The following MEOX2 variants were observed in gnomAD, a reference collection of about 807,000 sequenced individuals.
The protein encoded by MEOX2 is mesenchyme homeobox 2, also known as homeobox protein MOX-2.
A neutral mutation model predicts 27.0 loss-of-function variants in MEOX2; 11 were observed. The ratio of observed to expected loss-of-function variants is 0.41; its 90% CI spans 0.26 to 0.68. The LOEUF (loss-of-function observed/expected upper bound fraction) is 0.68. MEOX2 is among the 30% of genes least tolerant of loss of function. The probability of loss-of-function intolerance (pLI) is 0.33; values close to 1 mark genes in which losing one functional copy is unlikely to be tolerated. For missense variants in MEOX2, 436 were observed against 385.4 expected (o/e 1.13, Z -1.10); for synonymous variants, 189 against 155.4 (o/e 1.22, Z -1.61).
rs192989472 is a variant in MEOX2 at position 15,643,493 on chromosome 7, G to A, written c.518-16575C>T. On this transcript the variant is annotated intron_variant, in intron 1 of 2. Coordinates refer to ENST00000262041, the MANE Select transcript of MEOX2 (RefSeq NM_005924.5). The stretch of plus-strand genomic sequence containing the variant: ...AGAGCTCCCATAGGGGAACAGGGGT[G>A]GGGGAGGGGGCTGCGGTTTGCAGCC... Among the ~76,000 whole-genome samples the A allele has an allele frequency of 3.3e-3, 507 of 152,268 alleles. 8 individuals are homozygous for A. The highest frequency in any genetic ancestry group is 7.1e-4 in the Non-Finnish European group (48 of 68,030).
intron 1 of MEOX2, among the ~76,000 whole-genome samples, chr7:15,684,535 A>AC: frequency 6.6e-6 from 1 of 152,300 alleles, no homozygotes; most frequent in Non-Finnish European, 1.5e-5. Flanking sequence ...ACCGTGAGAG[A>AC]AGAATCCATC....
At chr7:15,643,353 G>A (rs1781592934) in intron 1 of MEOX2, among the ~76,000 whole-genome samples, 1 of 152,190 alleles carries the variant, frequency 6.6e-6, no homozygotes, top group South Asian at 2.1e-4. Flanking sequence ...CGCTGGGTCA[G>A]GCAACTCAGC....
intron 1 of MEOX2, among the ~76,000 whole-genome samples, chr7:15,663,845 G>A (rs1299825371): frequency 6.6e-6 from 1 of 152,084 alleles, no homozygotes; most frequent in Non-Finnish European, 1.5e-5. Flanking sequence ...TCACTAAGCT[G>A]CTGGAAGAGA....
chr7:15,680,831 C>A (rs574511759), intron 1 of MEOX2: 2 of 151,806 alleles, frequency 1.3e-5, no homozygotes, highest in Non-Finnish European at 3.0e-5. Flanking sequence ...AATCTGTGGA[C>A]TTTGGCCTTA....
intron 1 of MEOX2, among the ~76,000 whole-genome samples, chr7:15,631,438 G>A (rs1234327750): frequency 1.3e-5 from 2 of 151,754 alleles, no homozygotes; most frequent in Non-Finnish European, 2.9e-5. Context: ...CCAATTATAT[G>A]TCTTGAACAA....
At chr7:15,624,375 C>A (rs150460401) in intron 2 of MEOX2, among the ~76,000 whole-genome samples, 186 of 152,236 alleles carry the variant, frequency 1.2e-3, no homozygotes, top group African/African-American at 4.4e-3. Flanking sequence ...TTAATTTCCC[C>A]CCTGTGATGC....
intron 1 of MEOX2, among the ~76,000 whole-genome samples, chr7:15,642,680 C>G (rs966569260): frequency 6.6e-6 from 1 of 152,166 alleles, no homozygotes; most frequent in Non-Finnish European, 1.5e-5. Context: ...TCAGAGCATT[C>G]TGTTTCTTCA....
At chr7:15,638,332 A>G (rs765662157) in intron 1 of MEOX2, among the ~76,000 whole-genome samples, 30 of 152,248 alleles carry the variant, frequency 2.0e-4, no homozygotes, top group Non-Finnish European at 1.3e-4. Flanking sequence ...TCTGAGTGCA[A>G]TTAAATGGCA....
chr7:15,620,031 CA>C (rs1192354427), intron 2 of MEOX2, among the ~76,000 whole-genome samples: 1 of 151,708 alleles, frequency 6.6e-6, no homozygotes, highest in African/African-American at 2.4e-5. Flanking sequence ...TGATGCTTAC[CA>C]ATACTGTCAA....
At chr7:15,656,762 AC>A (rs1781827652) in intron 1 of MEOX2, among the ~76,000 whole-genome samples, 1 of 152,026 alleles carries the variant, frequency 6.6e-6, no homozygotes, top group Non-Finnish European at 1.5e-5. Flanking sequence ...TATTGTATTT[AC>A]CTATAATTTT....
intron 2 of MEOX2, 55 bp from the exon 3 acceptor site, chr7:15,612,666 A>G: frequency 6.7e-7 from 1 of 1,500,794 alleles, no homozygotes. Flanking sequence ...TTAAAGTGAC[A>G]TTTTTTTCTC....
intron 1 of MEOX2, among the ~76,000 whole-genome samples, chr7:15,633,728 A>C (rs1781438517): frequency 6.6e-6 from 1 of 151,860 alleles, no homozygotes; most frequent in Non-Finnish European, 1.5e-5. Context: ...GTGATGTAGA[A>C]ATTATTGAAC....
intron 1 of MEOX2, among the ~76,000 whole-genome samples, chr7:15,654,454 A>G (rs1781788770): frequency 6.6e-6 from 1 of 151,708 alleles, no homozygotes; most frequent in Non-Finnish European, 1.5e-5. Flanking sequence ...CTTATGTTGA[A>G]TAAGAGTGGT....
At chr7:15,637,318 C>T (rs866385640) in intron 1 of MEOX2, among the ~76,000 whole-genome samples, 22 of 152,170 alleles carry the variant, frequency 1.4e-4, no homozygotes, top group Middle Eastern at 3.4e-3. Flanking sequence ...TCAAAACTCA[C>T]ATACGTCATA....
intron 1 of MEOX2, among the ~76,000 whole-genome samples, chr7:15,676,963 G>A (rs976852607): frequency 1.3e-5 from 2 of 152,104 alleles, no homozygotes; most frequent in African/African-American, 4.8e-5. Flanking sequence ...AAGAGAAGAG[G>A]AAGTTAGGAG....
At chr7:15,618,922 A>T (rs916413744) in intron 2 of MEOX2, among the ~76,000 whole-genome samples, 7 of 152,014 alleles carry the variant, frequency 4.6e-5, no homozygotes, top group Non-Finnish European at 1.0e-4. Flanking sequence ...ATATACGTTC[A>T]TCATAAAAAA....
chr7:15,664,040 G>GTTTTGT (rs1421096664), intron 1 of MEOX2, among the ~76,000 whole-genome samples: 5 of 152,110 alleles, frequency 3.3e-5, no homozygotes, highest in African/African-American at 1.2e-4. Flanking sequence ...TTCAGATCAA[G>GTTTTGT]TTTTGTTTTT....
At chr7:15,644,677 C>A (rs963851652) in intron 1 of MEOX2, among the ~76,000 whole-genome samples, 1 of 152,092 alleles carries the variant, frequency 6.6e-6, no homozygotes, top group Non-Finnish European at 1.5e-5. Context: ...GAATGCAAAC[C>A]CGGCCTTGAA....
rs542851758 is a variant in MEOX2 at position 15,620,476 on chromosome 7, G to C, written c.690+6270C>G. ...CCAACTACTCTACTCGGGAGGCTGA[G>C]GCAGGAGAATGGCCTGAACTCAGGA... On this transcript the variant is annotated intron_variant, in intron 2 of 2. Coordinates refer to ENST00000262041, the MANE Select transcript of MEOX2 (RefSeq NM_005924.5). Among the ~76,000 whole-genome samples the C allele has an allele frequency of 1.5e-3, 233 of 152,246 alleles. 2 individuals are homozygous for C. The highest frequency in any genetic ancestry group is 5.2e-3 in the African/African-American group (217 of 41,548).
Sources: gnomAD v4.1 joint callset for allele counts (sites outside exome capture counted in the v4.1 genomes callset) on GRCh38, gnomAD v4.1.1 for gene constraint, MANE v1.5 for transcripts, NCBI Gene and HGNC (gene_info 2026-07-23, HGNC 2026-07-21) for gene names.